CCSER1: variants seen among roughly 807,000 people sequenced by gnomAD.
CCSER1 encodes serine-rich coiled-coil domain-containing protein 1.
CCSER1 carries 41 observed loss-of-function variants against 82.0 expected under a neutral mutation model. The observed-to-expected ratio is 0.50, with a 90% CI of 0.39 to 0.65. CCSER1 has a LOEUF of 0.65. Ranked by LOEUF, CCSER1 falls within the 30% of genes least tolerant of loss-of-function variation. The probability of loss-of-function intolerance (pLI) is 0.00; values close to 1 mark genes in which losing one functional copy is unlikely to be tolerated. For synonymous variants in CCSER1, 414 were observed against 383.9 expected (o/e 1.08, Z -0.92); for missense variants, 1,119 against 1,064.2 (o/e 1.05, Z -0.72).
intron 8 of CCSER1, among the ~76,000 whole-genome samples, chr4:90,860,841 C>T (rs1314400458): frequency 6.6e-6 from 1 of 151,574 alleles, no homozygotes; most frequent in East Asian, 1.9e-4. Flanking sequence ...TAGATTAGTG[C>T]TTGTCAGGGA....
At chr4:90,687,287 A>G (rs1734984663) in intron 6 of CCSER1, among the ~76,000 whole-genome samples, 1 of 152,144 alleles carries the variant, frequency 6.6e-6, no homozygotes, top group African/African-American at 2.4e-5. Flanking sequence ...TAGAACAAAT[A>G]ATACTTTATC....
chr4:91,345,730 G>C (rs1290624674), intron 10 of CCSER1, among the ~76,000 whole-genome samples: 1 of 151,938 alleles, frequency 6.6e-6, no homozygotes, highest in Non-Finnish European at 1.5e-5. Flanking sequence ...TCTTTGTGTT[G>C]TGCCTTATAT....
At chr4:90,830,443 T>A (rs922516494) in intron 8 of CCSER1, among the ~76,000 whole-genome samples, 3 of 152,132 alleles carry the variant, frequency 2.0e-5, no homozygotes, top group Non-Finnish European at 2.9e-5. Context: ...TCACTCAAAT[T>A]ATTTCCCACT....
chr4:90,241,659 T>C (rs1409704615), intron 1 of CCSER1, among the ~76,000 whole-genome samples: 2 of 152,184 alleles, frequency 1.3e-5, no homozygotes, highest in Non-Finnish European at 2.9e-5. Context: ...TATTTTTTTT[T>C]CTTTAGGGAA....
intron 5 of CCSER1, among the ~76,000 whole-genome samples, chr4:90,571,368 G>A (rs959826798): frequency 4.6e-5 from 7 of 152,180 alleles, no homozygotes; most frequent in African/African-American, 1.7e-4. Flanking sequence ...AGAACATGTG[G>A]CACAGATACA....
intron 10 of CCSER1, among the ~76,000 whole-genome samples, chr4:91,151,881 G>A (rs915553229): frequency 6.6e-6 from 1 of 152,200 alleles, no homozygotes; most frequent in Admixed American, 6.5e-5. Context: ...GCTGAGGAGT[G>A]CTTCACTTCC....
chr4:90,464,765 C>A (rs1763394228), intron 4 of CCSER1, among the ~76,000 whole-genome samples: 1 of 152,150 alleles, frequency 6.6e-6, no homozygotes, highest in East Asian at 1.9e-4. Context: ...TATGGAATGG[C>A]TTGACACTGT....
intron 10 of CCSER1, among the ~76,000 whole-genome samples, chr4:91,458,083 A>T (rs550307905): frequency 6.6e-6 from 1 of 152,276 alleles, no homozygotes; most frequent in Non-Finnish European, 1.5e-5. Flanking sequence ...TGCCTGGACC[A>T]ATGTCCTGAA....
intron 10 of CCSER1, among the ~76,000 whole-genome samples, chr4:91,558,038 A>G (rs1368883086): frequency 6.6e-6 from 1 of 150,974 alleles, no homozygotes; most frequent in Non-Finnish European, 1.5e-5. Flanking sequence ...ATTTTATTTA[A>G]TGTATATTAC....
chr4:90,880,803 T>C (rs1216071307), intron 8 of CCSER1, among the ~76,000 whole-genome samples: 1 of 152,116 alleles, frequency 6.6e-6, no homozygotes, highest in Non-Finnish European at 1.5e-5. Context: ...GGTATCACCA[T>C]TGAAGGCACT....
At chr4:90,920,896 C>A (rs895659607) in intron 8 of CCSER1, among the ~76,000 whole-genome samples, 10 of 151,644 alleles carry the variant, frequency 6.6e-5, no homozygotes, top group South Asian at 2.1e-4. Flanking sequence ...CTGAAATAAA[C>A]TGATAATAAT....
intron 10 of CCSER1, among the ~76,000 whole-genome samples, chr4:91,193,751 T>C (rs1735184882): frequency 6.6e-6 from 1 of 152,164 alleles, no homozygotes; most frequent in Admixed American, 6.5e-5. Context: ...CTGACTCTTA[T>C]ATGGACACAA....
Position 90,153,659 on chromosome 4 carries a change from C to T in CCSER1, c.-42+25828C>T, listed in dbSNP as rs548631047. Among the ~76,000 whole-genome samples the T allele has an allele frequency of 2.1e-3, 316 of 152,044 alleles. 1 individual carries two copies. Among genetic ancestry groups the T allele is most frequent in the South Asian group, 3.9e-3 (19 of 4,818 alleles). ...CAGTGATGGTGAGCATTTTTTCATG[C>T]GGTTTTTGGCTGCATAAATGTCTTC... is the stretch of plus-strand genomic sequence containing the variant. On this transcript the variant is annotated intron_variant, in intron 1 of 10. Coordinates refer to ENST00000509176, the MANE Select transcript of CCSER1 (RefSeq NM_001145065.2).
chr4:91,506,768 A>C (rs553581110), intron 10 of CCSER1, among the ~76,000 whole-genome samples: 6 of 152,154 alleles, frequency 3.9e-5, no homozygotes, highest in Non-Finnish European at 7.4e-5. Context: ...ACCATTGCCT[A>C]ATTTATAATA....
At chr4:90,491,914 T>G (rs1433856390) in intron 5 of CCSER1, among the ~76,000 whole-genome samples, 1 of 152,172 alleles carries the variant, frequency 6.6e-6, no homozygotes, top group Admixed American at 6.5e-5. Flanking sequence ...CTGGATTTGG[T>G]TTGCCAGTAT....
intron 1 of CCSER1, among the ~76,000 whole-genome samples, chr4:90,204,038 T>G (rs983966928): frequency 6.6e-6 from 1 of 152,300 alleles, no homozygotes. Context: ...TGGATGGGGT[T>G]GTTTGTTTTC....
rs543092606 is a variant in CCSER1, at chr4:90,970,775, G to T, written c.2172+47328G>T. Among the ~76,000 whole-genome samples, 506 of 151,826 alleles carry T rather than the reference G, an allele frequency of 3.3e-3. 8 individuals are homozygous for T. The highest frequency in any genetic ancestry group is 1.5e-3 in the Non-Finnish European group (105 of 67,930). On this transcript the variant is annotated intron_variant, in intron 9 of 10. Transcript: ENST00000509176. ...ATGGTATTAAACTAGAAATCAATAAGAGGAAGAAAAATCACAAAATTTAAA... is the reference window on the plus strand; with the variant it reads ...ATGGTATTAAACTAGAAATCAATAATAGGAAGAAAAATCACAAAATTTAAA...
chr4:91,351,873 A>G (rs1748494873), intron 10 of CCSER1, among the ~76,000 whole-genome samples: 1 of 152,046 alleles, frequency 6.6e-6, no homozygotes, highest in Non-Finnish European at 1.5e-5. Context: ...CTCCAATCTG[A>G]AGTTTCCTCT....
intron 5 of CCSER1, among the ~76,000 whole-genome samples, chr4:90,472,555 G>A (rs946430309): frequency 1.6e-4 from 25 of 152,094 alleles, no homozygotes; most frequent in South Asian, 6.2e-4. Flanking sequence ...TTACAGTGGC[G>A]GAGGACCAGA....
Sources: allele counts gnomAD v4.1 joint callset (sites outside exome capture counted in the v4.1 genomes callset), GRCh38; gene constraint gnomAD v4.1.1; transcripts MANE v1.5; gene names NCBI Gene and HGNC (gene_info 2026-07-23, HGNC 2026-07-21).